CHRNB3: variants seen among roughly 807,000 people sequenced by gnomAD.
CHRNB3 encodes the protein neuronal acetylcholine receptor subunit beta-3.
In CHRNB3, 37 loss-of-function variants were observed where a neutral mutation model predicts 40.6. The ratio of observed to expected loss-of-function variants is 0.91; its 90% CI spans 0.70 to 1.20. The LOEUF (loss-of-function observed/expected upper bound fraction) is 1.20, where lower values mean the gene tolerates loss of function less well. Among genes scored for constraint, CHRNB3 ranks in the 50% most tolerant of loss-of-function variants. The pLI is 0.00. For missense variants in CHRNB3, 505 were observed against 551.2 expected (o/e 0.92, Z 0.84); for synonymous variants, 207 against 207.1 (o/e 1.00, Z 0.00).
intron 1 of CHRNB3, among the ~76,000 whole-genome samples, chr8:42,702,032 T>C (rs899127725): frequency 1.3e-5 from 2 of 152,150 alleles, no homozygotes; most frequent in African/African-American, 4.8e-5. Flanking sequence ...ATTAAATAAA[T>C]ATTTGTTGGA....
intron 1 of CHRNB3, among the ~76,000 whole-genome samples, chr8:42,705,409 G>A (rs1815905790): frequency 6.6e-6 from 1 of 152,120 alleles, no homozygotes; most frequent in Non-Finnish European, 1.5e-5. Context: ...TTGGGAGGTG[G>A]GGCCTAATGG....
rs545496206 is a variant in CHRNB3, at chr8:42,726,027, G to A, written c.250-4567G>A. The A allele has an allele frequency of 2.0e-4, 199 of 990,700 alleles. 2 individuals carry two copies. Among genetic ancestry groups the A allele is most frequent in the South Asian group, 1.9e-3 (150 of 77,558 alleles). 61.4% of individuals were successfully genotyped at this position (990,700 alleles called of 1,614,324 possible). ...GGTTTCACTTCTAGTCGTCTGAGAC[G>A]TACCTTGTCACGTTTCTGTCACCAG... On this transcript the variant is annotated intron_variant, in intron 3 of 5. Transcript: ENST00000289957.
At chr8:42,733,654 G>A (rs1458163765) in intron 5 of CHRNB3, among the ~76,000 whole-genome samples, 3 of 143,628 alleles carry the variant, frequency 2.1e-5, no homozygotes, top group African/African-American at 2.6e-5. Flanking sequence ...GTGCGGTGGT[G>A]TGATCTCAGC....
chr8:42,736,563 G>T lies in CHRNB3; in HGVS notation c.1322G>T (p.Gly441Val), dbSNP rs572242520. 6.2e-7 allele frequency: 1 copy of T among 1,614,114 alleles called. No individual in the cohort carries two copies. Among genetic ancestry groups the T allele is most frequent in the Non-Finnish European group, 8.5e-7 (1 of 1,180,022 alleles). Residue 441 changes from glycine (G) to valine (V), a missense_variant, in exon 6 of 6, where the codon GGC (glycine) becomes GTC (valine). Physicochemically the swap from Gly to Val is moderately radical, Grantham distance 109. Coordinates refer to ENST00000289957, the MANE Select transcript of CHRNB3 (RefSeq NM_000749.5). ...LWLFLIVSVTGSVLIFTPALK... is the reference protein window; with the variant it reads ...LWLFLIVSVTVSVLIFTPALK... ...CTCTTTCTGATAGTGTCAGTAACAG[G>T]CTCGGTTCTGATTTTTACCCCTGCT...
intron 3 of CHRNB3, chr8:42,721,903 C>T (rs929994817): frequency 4.6e-5 from 7 of 152,126 alleles, no homozygotes; most frequent in Non-Finnish European, 7.3e-5. Flanking sequence ...AGAGGCAGGC[C>T]TGGAGCAGAA....
At chr8:42,715,976 C>CCTTTTTT (rs1554590400) in intron 3 of CHRNB3, among the ~76,000 whole-genome samples, 5 of 124,176 alleles carry the variant, frequency 4.0e-5, no homozygotes, top group African/African-American at 8.7e-5. Flanking sequence ...TTAAACTGAC[C>CCTTTTTT]TTTTTTTTTT....
intron 1 of CHRNB3, among the ~76,000 whole-genome samples, chr8:42,708,205 G>A (rs563841262): frequency 1.2e-4 from 19 of 152,232 alleles, no homozygotes; most frequent in Non-Finnish European, 2.4e-4. Flanking sequence ...GGTGGCTCAC[G>A]CCTGTAATCC....
At chr8:42,733,593 T>A (rs1816465482) in intron 5 of CHRNB3, among the ~76,000 whole-genome samples, 1 of 2,112 alleles carries the variant, frequency 4.7e-4, no homozygotes, top group South Asian at 0.024. Flanking sequence ...ATCCTTCTTC[T>A]TTTTTTTTTT....
At chr8:42,719,933 T>A (rs1234436238) in intron 3 of CHRNB3, among the ~76,000 whole-genome samples, 2 of 151,962 alleles carry the variant, frequency 1.3e-5, no homozygotes, top group Admixed American at 6.6e-5. Context: ...AGCCTCTTTT[T>A]CTTTACTGGT....
chr8:42,703,769 C>G (rs1815870167), intron 1 of CHRNB3, among the ~76,000 whole-genome samples: 1 of 152,034 alleles, frequency 6.6e-6, no homozygotes, highest in Non-Finnish European at 1.5e-5. Context: ...GTTCATTCAT[C>G]AAACATCATC....
chr8:42,717,918 C>T (rs558335530), intron 3 of CHRNB3, among the ~76,000 whole-genome samples: 2 of 151,140 alleles, frequency 1.3e-5, no homozygotes, highest in Non-Finnish European at 2.9e-5. Context: ...CCACAACCTC[C>T]GCCTCCCGGA....
chr8:42,723,918 T>G (rs1202057206), intron 3 of CHRNB3, among the ~76,000 whole-genome samples: 1 of 151,830 alleles, frequency 6.6e-6, no homozygotes, highest in African/African-American at 2.4e-5. Flanking sequence ...AAACCCCGTC[T>G]CTATTAAAAA....
At chr8:42,711,742 A>T (rs1816020133) in intron 3 of CHRNB3, among the ~76,000 whole-genome samples, 1 of 152,136 alleles carries the variant, frequency 6.6e-6, no homozygotes, top group Non-Finnish European at 1.5e-5. Context: ...TGTTTCATGG[A>T]TATATTGTGT....
intron 3 of CHRNB3, among the ~76,000 whole-genome samples, chr8:42,727,182 G>C (rs1816325744): frequency 6.6e-6 from 1 of 152,050 alleles, no homozygotes; most frequent in South Asian, 2.1e-4. Flanking sequence ...AGACCAGCCT[G>C]GCCAACATAG....
At chr8:42,719,814 G>T (rs563642161) in intron 3 of CHRNB3, among the ~76,000 whole-genome samples, 2 of 152,256 alleles carry the variant, frequency 1.3e-5, no homozygotes, top group East Asian at 3.9e-4. Context: ...AAGTTGTACA[G>T]CTAGTAAAGC....
chr8:42,735,192 C>T (rs1302007874), intron 5 of CHRNB3, among the ~76,000 whole-genome samples: 1 of 151,322 alleles, frequency 6.6e-6, no homozygotes, highest in Non-Finnish European at 1.5e-5. Flanking sequence ...TGCACTCCAG[C>T]CTGGGCGACA....
intron 5 of CHRNB3, 71 bp downstream of exon 5, chr8:42,732,620 T>A: frequency 7.4e-7 from 1 of 1,350,402 alleles, no homozygotes; most frequent in Non-Finnish European, 1.0e-6. Flanking sequence ...GACATCTGTT[T>A]ACAATAAAAT....
chr8:42,711,911 C>T (rs775360051), intron 3 of CHRNB3, among the ~76,000 whole-genome samples: 2 of 152,002 alleles, frequency 1.3e-5, no homozygotes, highest in Non-Finnish European at 2.9e-5. Context: ...TCTTTGTGTC[C>T]ATGGGTACCA....
intron 5 of CHRNB3, 78 bp downstream of exon 5, chr8:42,732,627 A>T: frequency 7.6e-7 from 1 of 1,319,902 alleles, no homozygotes; most frequent in Non-Finnish European, 1.0e-6. Context: ...GTTTACAATA[A>T]AATATTGTCA....
Sources: gnomAD v4.1 joint callset for allele counts (sites outside exome capture counted in the v4.1 genomes callset) on GRCh38, gnomAD v4.1.1 for gene constraint, MANE v1.5 for transcripts, NCBI Gene and HGNC (gene_info 2026-07-23, HGNC 2026-07-21) for gene names.